The following ZMAT4 variants were observed in gnomAD, a reference collection of about 807,000 sequenced individuals.
ZMAT4 encodes the protein zinc finger matrin-type protein 4.
Under a neutral mutation model 28.7 loss-of-function variants are expected in ZMAT4, and 17 were observed. The observed-to-expected ratio is 0.59, with a 90% confidence interval of 0.41 to 0.89. The LOEUF (loss-of-function observed/expected upper bound fraction) is 0.89. Ranked by LOEUF, ZMAT4 falls within the 40% of genes least tolerant of loss-of-function variation. The probability of loss-of-function intolerance (pLI) is 0.00; values close to 1 mark genes in which losing one functional copy is unlikely to be tolerated. For missense variants in ZMAT4, 240 were observed against 283.8 expected (o/e 0.85, Z 1.11); for synonymous variants, 117 against 109.2 (o/e 1.07, Z -0.44).
chr8:40,775,940 G>T (rs976295973), intron 2 of ZMAT4, among the ~76,000 whole-genome samples: 3 of 152,178 alleles, frequency 2.0e-5, no homozygotes, highest in South Asian at 2.1e-4. Flanking sequence ...CAGAGAAAAG[G>T]CCATGTGAGG....
chr8:40,644,419 G>A (rs955218556), intron 5 of ZMAT4, among the ~76,000 whole-genome samples: 1 of 152,008 alleles, frequency 6.6e-6, no homozygotes, highest in African/African-American at 2.4e-5. Context: ...CACACACACA[G>A]TGATTTGAGT....
chr8:40,710,037 CAAAAA>C (rs35882795), intron 3 of ZMAT4, among the ~76,000 whole-genome samples: 1 of 78,280 alleles, frequency 1.3e-5, no homozygotes, highest in Non-Finnish European at 3.1e-5. Flanking sequence ...GACCCAGTCT[CAAAAA>C]AAAAAAAAAA....
chr8:40,542,357 G>A (rs548818183), intron 6 of ZMAT4, among the ~76,000 whole-genome samples: 19 of 152,028 alleles, frequency 1.2e-4, no homozygotes, highest in African/African-American at 4.1e-4. Context: ...ATGATCATCC[G>A]ATTTTTAATT....
intron 6 of ZMAT4, among the ~76,000 whole-genome samples, chr8:40,536,498 G>T (rs1314210539): frequency 2.6e-5 from 4 of 152,138 alleles, no homozygotes; most frequent in Non-Finnish European, 5.9e-5. Flanking sequence ...AATGTCACTG[G>T]CATCTTCTTC....
At chr8:40,754,599 T>C (rs530206360) in intron 3 of ZMAT4, among the ~76,000 whole-genome samples, 1 of 152,328 alleles carries the variant, frequency 6.6e-6, no homozygotes, top group Non-Finnish European at 1.5e-5. Flanking sequence ...AAAATTTTTA[T>C]TCCACCTGGG....
At chr8:40,846,173 C>T (rs755070383) in intron 1 of ZMAT4, among the ~76,000 whole-genome samples, 1 of 152,192 alleles carries the variant, frequency 6.6e-6, no homozygotes, top group Non-Finnish European at 1.5e-5. Context: ...CACCACCCCC[C>T]TCCCTACCAA....
chr8:40,892,513 C>T (rs926416463), intron 1 of ZMAT4, among the ~76,000 whole-genome samples: 1 of 152,260 alleles, frequency 6.6e-6, no homozygotes, highest in Non-Finnish European at 1.5e-5. Flanking sequence ...TGCTTAACCA[C>T]AGGTGTTCCT....
chr8:40,686,007 G>A (rs575066130), intron 4 of ZMAT4, among the ~76,000 whole-genome samples: 1 of 152,238 alleles, frequency 6.6e-6, no homozygotes, highest in South Asian at 2.1e-4. Context: ...CAACAGCGTA[G>A]GGATGGGCTT....
intron 1 of ZMAT4, among the ~76,000 whole-genome samples, chr8:40,838,874 G>A (rs1230937800): frequency 2.0e-5 from 3 of 152,138 alleles, no homozygotes; most frequent in Non-Finnish European, 2.9e-5. Flanking sequence ...GGCTTAGAGA[G>A]AATGAGGTCA....
At chr8:40,659,909 A>G (rs886538799) in intron 5 of ZMAT4, among the ~76,000 whole-genome samples, 1 of 152,196 alleles carries the variant, frequency 6.6e-6, no homozygotes, top group Non-Finnish European at 1.5e-5. Flanking sequence ...TTCCTGCAGT[A>G]GGGTTTATAT....
At chr8:40,763,868 C>T (rs1171939700) in intron 3 of ZMAT4, among the ~76,000 whole-genome samples, 2 of 152,126 alleles carry the variant, frequency 1.3e-5, no homozygotes, top group Admixed American at 1.3e-4. Flanking sequence ...AAATGCCAAG[C>T]TTCTCTATGT....
chr8:40,846,109 CA>C (rs1362658064), intron 1 of ZMAT4, among the ~76,000 whole-genome samples: 1 of 152,324 alleles, frequency 6.6e-6, no homozygotes, highest in East Asian at 1.9e-4. Context: ...GCAAACCAGC[CA>C]GCCCCAGCTG....
intron 1 of ZMAT4, among the ~76,000 whole-genome samples, chr8:40,878,588 A>G (rs968881406): frequency 2.0e-5 from 3 of 152,268 alleles, no homozygotes; most frequent in Non-Finnish European, 2.9e-5. Flanking sequence ...CACATAGCCC[A>G]AGACCTGACA....
rs553207782 is a variant in ZMAT4, at chr8:40,786,583, G to C, written c.103-18853C>G. 197 of 748,212 alleles carry C rather than the reference G, an allele frequency of 2.6e-4. No homozygotes were observed. In the African/African-American group the frequency reaches 3.5e-3, roughly 13 times the overall value. 46.3% of individuals were successfully genotyped at this position (748,212 alleles called of 1,614,324 possible). On this transcript the variant is annotated intron_variant, in intron 2 of 6. Transcript: ENST00000297737. ...GTTATTGCTACCAAAACAAAGAACA[G>C]CCAGCATGCACGTTCTGGTTATTCT...
chr8:40,543,202 C>T (rs912872183), intron 6 of ZMAT4, among the ~76,000 whole-genome samples: 2 of 152,122 alleles, frequency 1.3e-5, no homozygotes, highest in Non-Finnish European at 2.9e-5. Flanking sequence ...AAGCTGTCAG[C>T]ACATTCTGCA....
intron 2 of ZMAT4, among the ~76,000 whole-genome samples, chr8:40,769,770 G>A (rs977364927): frequency 4.6e-4 from 69 of 149,966 alleles, no homozygotes; most frequent in African/African-American, 1.6e-3. Context: ...CTCATCATGC[G>A]GCCTGGTTTG....
At chr8:40,609,276 T>A (rs1805710082) in intron 5 of ZMAT4, among the ~76,000 whole-genome samples, 1 of 152,234 alleles carries the variant, frequency 6.6e-6, no homozygotes, top group Non-Finnish European at 1.5e-5. Context: ...GGAAAAAGTC[T>A]CTGAATGATT....
intron 2 of ZMAT4, among the ~76,000 whole-genome samples, chr8:40,773,813 G>C (rs1401048144): frequency 6.6e-6 from 1 of 151,644 alleles, no homozygotes; most frequent in South Asian, 2.1e-4. Context: ...AGTCAAGATA[G>C]AGACAATTTC....
At position 40,881,585 on chromosome 8, in the gene ZMAT4, A is replaced by G. The variant is rs561408277; in HGVS notation, c.-5+16098T>C. ...AAGAAAGAAAGAAAGAAAGAAAGAA[A>G]GAAAGAAAGAAAGAAAAGAAAAGAA... On this transcript the variant is annotated intron_variant, in intron 1 of 6. Coordinates refer to ENST00000297737, the MANE Select transcript of ZMAT4 (RefSeq NM_024645.3). 4.7e-5 allele frequency among the ~76,000 whole-genome samples: 5 copies of G among 107,176 alleles called. 2 individuals are homozygous for G. Among genetic ancestry groups the G allele is most frequent in the Non-Finnish European group, 1.0e-4 (5 of 50,088 alleles). 70.3% of individuals were successfully genotyped at this position (107,176 alleles called of 152,430 possible).
Sources: gnomAD v4.1 joint callset for allele counts (sites outside exome capture counted in the v4.1 genomes callset) on GRCh38, gnomAD v4.1.1 for gene constraint, MANE v1.5 for transcripts, NCBI Gene and HGNC (gene_info 2026-07-23, HGNC 2026-07-21) for gene names.